The following MPP7 variants were observed in gnomAD, a reference collection of about 807,000 sequenced individuals.
MPP7 encodes the protein MAGUK p55 scaffold protein 7.
Under a neutral mutation model 76.5 loss-of-function variants are expected in MPP7, and 60 were observed. The observed-to-expected ratio is 0.78, with a 90% CI of 0.64 to 0.97. The LOEUF (loss-of-function observed/expected upper bound fraction) is 0.97, where lower values mean the gene tolerates loss of function less well. Among genes scored for constraint, MPP7 ranks in the 50% least tolerant of loss-of-function variants. MPP7 has a pLI of 0.00. For missense variants in MPP7, 641 were observed against 694.0 expected, an observed-to-expected ratio of 0.92 and a Z score of 0.86; for synonymous variants, 237 against 244.5, an observed-to-expected ratio of 0.97 and a Z score of 0.29.
At chr10:28,078,515 A>G (rs1195113959) in intron 12 of MPP7, among the ~76,000 whole-genome samples, 1 of 152,248 alleles carries the variant, frequency 6.6e-6, no homozygotes, top group Non-Finnish European at 1.5e-5. Flanking sequence ...GGAGCTTATT[A>G]ATCTGGAATT....
At chr10:28,231,969 T>TA (rs1400173758) in intron 2 of MPP7, among the ~76,000 whole-genome samples, 8 of 152,134 alleles carry the variant, frequency 5.3e-5, no homozygotes, top group Non-Finnish European at 8.8e-5. Context: ...CTAAACAAAA[T>TA]ACGAGCAAAC....
At chr10:28,265,335 G>T (rs1014890452) in intron 1 of MPP7, among the ~76,000 whole-genome samples, 2 of 152,192 alleles carry the variant, frequency 1.3e-5, no homozygotes, top group Non-Finnish European at 2.9e-5. Flanking sequence ...AAGGCGGGGG[G>T]ACTGCTTGAG....
At chr10:28,084,099 A>C (rs190007056) in intron 12 of MPP7, among the ~76,000 whole-genome samples, 91 of 152,332 alleles carry the variant, frequency 6.0e-4, no homozygotes, top group Non-Finnish European at 1.1e-3. Context: ...ATCATAACAA[A>C]TCTGTTGATC....
At chr10:28,101,690 C>T (rs867121128) in intron 11 of MPP7, among the ~76,000 whole-genome samples, 2 of 151,940 alleles carry the variant, frequency 1.3e-5, no homozygotes, top group African/African-American at 4.8e-5. Flanking sequence ...GTAAGTGATG[C>T]TTTGTGAATT....
chr10:28,311,996 C>T (rs1030616818), intron 2 of MPP7, among the ~76,000 whole-genome samples: 8 of 152,084 alleles, frequency 5.3e-5, no homozygotes, highest in Non-Finnish European at 1.0e-4. Flanking sequence ...GAATTGGTTC[C>T]TTCCAGCAGG....
intron 2 of MPP7, among the ~76,000 whole-genome samples, chr10:28,212,646 C>T (rs10763652): frequency 0.45 from 68,256 of 151,878 alleles, 16,209 homozygotes; most frequent in East Asian, 0.85. Context: ...CAGGGGACTG[C>T]GCCCTGAAGT....
In MPP7 at chr10:28,058,498, A is replaced by C; in HGVS notation, c.1404T>G (p.Pro468=). The part of the protein sequence containing the change: ...KNKVCLLDVQ[P]HTVKHLRTLE... ...GAATAGCTCATTGTTTACTTACATG[A>C]GGCTGAACATCCAACAAACAAACTT... Residue 468 remains proline (P), a synonymous_variant, in exon 15 of 17, where the codon CCT becomes CCG. Transcript: ENST00000683449. 3 of 1,585,480 alleles carry C rather than the reference A, an allele frequency of 1.9e-6. No individual in the cohort carries two copies. The highest frequency in any genetic ancestry group is 2.6e-6 in the Non-Finnish European group (3 of 1,159,726).
chr10:28,090,096 GATTACAGGCACAC>G (rs969013278), intron 11 of MPP7, among the ~76,000 whole-genome samples: 2 of 152,074 alleles, frequency 1.3e-5, no homozygotes, highest in Non-Finnish European at 2.9e-5. Context: ...AGGCAGGTGG[GATTACAGGCACAC>G]ATCACCACGG....
At chr10:28,071,751 T>C (rs1235480733) in intron 12 of MPP7, among the ~76,000 whole-genome samples, 3 of 152,166 alleles carry the variant, frequency 2.0e-5, no homozygotes, top group African/African-American at 7.2e-5. Flanking sequence ...CACCTACTTA[T>C]AATAAATAAG....
At chr10:28,214,602 GC>G (rs1314877809) in intron 2 of MPP7, among the ~76,000 whole-genome samples, 1 of 152,148 alleles carries the variant, frequency 6.6e-6, no homozygotes, top group African/African-American at 2.4e-5. Flanking sequence ...CGATGAAACC[GC>G]CTTTGCAAAA....
At chr10:28,164,093 C>G (rs919058693) in intron 3 of MPP7, among the ~76,000 whole-genome samples, 7 of 152,024 alleles carry the variant, frequency 4.6e-5, no homozygotes, top group Admixed American at 1.3e-4. Context: ...TGATATAGGC[C>G]TGGCTTTAAA....
intron 2 of MPP7, among the ~76,000 whole-genome samples, chr10:28,309,654 C>A (rs1984853): frequency 0.094 from 14,338 of 152,116 alleles, 1,165 homozygotes; most frequent in East Asian, 0.42. Context: ...AACCTGATAT[C>A]ATTTGGATGT....
At chr10:28,086,798 G>A (rs756986890) in intron 12 of MPP7, among the ~76,000 whole-genome samples, 13 of 151,978 alleles carry the variant, frequency 8.6e-5, no homozygotes, top group Non-Finnish European at 1.6e-4. Flanking sequence ...CCACTATATC[G>A]GGGAAAGCCC....
intron 12 of MPP7, among the ~76,000 whole-genome samples, chr10:28,082,292 G>C (rs1359775793): frequency 6.6e-6 from 1 of 152,006 alleles, no homozygotes; most frequent in East Asian, 1.9e-4. Context: ...TTAACACTGA[G>C]GTTCAAAACC....
chr10:28,259,368 C>T (rs1201137011), intron 1 of MPP7, among the ~76,000 whole-genome samples: 2 of 152,058 alleles, frequency 1.3e-5, no homozygotes, highest in Non-Finnish European at 2.9e-5. Context: ...TGCTTGAGCT[C>T]AAGAGTTCGA....
intron 5 of MPP7, 101 bp from the exon 6 acceptor site, chr10:28,131,792 CA>C: frequency 1.9e-6 from 1 of 530,542 alleles, no homozygotes; most frequent in Non-Finnish European, 2.5e-6. Flanking sequence ...TAAGGAAAAT[CA>C]AAACAGTGTT....
intron 5 of MPP7, among the ~76,000 whole-genome samples, chr10:28,146,488 G>A (rs10826407): frequency 0.15 from 22,164 of 149,052 alleles, 1,904 homozygotes; most frequent in East Asian, 0.37. Context: ...TGCAAGCTCC[G>A]CCTCCCAGGT....
chr10:28,112,841 G>A (rs576428612), intron 11 of MPP7, among the ~76,000 whole-genome samples: 1 of 151,900 alleles, frequency 6.6e-6, no homozygotes, highest in South Asian at 2.1e-4. Context: ...ATTTTTTTCA[G>A]ATAAGAAAGA....
intron 13 of MPP7, among the ~76,000 whole-genome samples, chr10:28,067,197 CTGG>C (rs1469936471): frequency 6.6e-6 from 1 of 152,126 alleles, no homozygotes; most frequent in Non-Finnish European, 1.5e-5. Flanking sequence ...ATAACTTTTT[CTGG>C]TGGATATGTA....
Sources: allele counts gnomAD v4.1 joint callset (sites outside exome capture counted in the v4.1 genomes callset), GRCh38; gene constraint gnomAD v4.1.1; transcripts MANE v1.5; gene names NCBI Gene and HGNC (gene_info 2026-07-23, HGNC 2026-07-21).